TENM3: variants seen among roughly 807,000 people sequenced by gnomAD.
TENM3 encodes teneurin-3.
In TENM3, 63 loss-of-function variants were observed where a neutral mutation model predicts 255.1. That is an observed-to-expected ratio of 0.25 (90% CI 0.20 to 0.30). The LOEUF (loss-of-function observed/expected upper bound fraction) is 0.30, where lower values mean the gene tolerates loss of function less well. TENM3 is among the 10% of genes least tolerant of loss of function. TENM3 has a pLI of 1.00. For missense variants in TENM3, 2,929 were observed against 3,461.1 expected (o/e 0.85, Z 3.86); for synonymous variants, 1,306 against 1,322.3 (o/e 0.99, Z 0.27).
chr4:182,368,408 T>C (rs1325115259), intron 3 of TENM3, among the ~76,000 whole-genome samples: 1 of 152,226 alleles, frequency 6.6e-6, no homozygotes, highest in African/African-American at 2.4e-5. Context: ...TGGGCCCTTT[T>C]ATCCTGTAAA....
chr4:182,219,720 A>T (rs1755733071), intron 1 of TENM3, among the ~76,000 whole-genome samples: 1 of 152,212 alleles, frequency 6.6e-6, no homozygotes, highest in South Asian at 2.1e-4. Flanking sequence ...GGCTTCTTTA[A>T]AATCCAATTT....
At chr4:181,585,003 CAA>C in the TENM3 span, among the ~76,000 whole-genome samples, 4 of 134,786 alleles carry the variant, frequency 3.0e-5, no homozygotes, top group Middle Eastern at 3.8e-3. Context: ...TATCCAGTGG[CAA>C]AAAAAAAAAA....
intron 3 of TENM3, among the ~76,000 whole-genome samples, chr4:182,368,970 G>T (rs186204893): frequency 6.6e-6 from 1 of 152,114 alleles, no homozygotes; most frequent in South Asian, 2.1e-4. Context: ...CTGGTTCTGC[G>T]ATTCAAACAT....
intron 1 of TENM3, among the ~76,000 whole-genome samples, chr4:182,291,452 A>T (rs559322186): frequency 6.6e-6 from 1 of 152,264 alleles, no homozygotes; most frequent in South Asian, 2.1e-4. Context: ...AATAAGGCGC[A>T]CACATCAGAA....
chr4:182,671,968 A>C (rs1360305627), intron 6 of TENM3, among the ~76,000 whole-genome samples: 1 of 152,062 alleles, frequency 6.6e-6, no homozygotes, highest in East Asian at 1.9e-4. Context: ...CTCACTCCTC[A>C]CCCTCTTGTT....
rs928529052 is a variant in TENM3 at position 182,799,456 on chromosome 4, G to A, written c.7345-140G>A. The A allele has an allele frequency of 3.1e-5, 33 of 1,073,160 alleles. No individual in the cohort carries two copies. Among genetic ancestry groups the A allele is most frequent in the Non-Finnish European group, 3.8e-5 (29 of 772,594 alleles). The allele number at this position is 1,073,160 out of a possible 1,614,324, so 66.5% of individuals were successfully genotyped here. On this transcript the variant is annotated intron_variant, in intron 27 of 27. Transcript: ENST00000511685. The surrounding 1 kb of genome is among the most constrained non-coding windows in gnomAD (Gnocchi z 4.2). The stretch of plus-strand genomic sequence containing the variant: ...GATCTCGAGTGCTCCCTCCACCCGG[G>A]CTGTCAGCCTTCTGGTCAGGGAAGG...
chr4:182,245,727 C>T (rs1315610166), intron 1 of TENM3, among the ~76,000 whole-genome samples: 1 of 152,156 alleles, frequency 6.6e-6, no homozygotes, highest in Non-Finnish European at 1.5e-5. Flanking sequence ...CTTCCAGGGC[C>T]AGCCACAGGA....
At chr4:182,224,940 G>A (rs1422562761) in intron 1 of TENM3, among the ~76,000 whole-genome samples, 1 of 151,974 alleles carries the variant, frequency 6.6e-6, no homozygotes, top group Non-Finnish European at 1.5e-5. Context: ...CACCATGTTG[G>A]TCAGGCTGGT....
chr4:182,509,213 T>C (rs1290162903), intron 3 of TENM3, among the ~76,000 whole-genome samples: 1 of 152,240 alleles, frequency 6.6e-6, no homozygotes, highest in Non-Finnish European at 1.5e-5. Context: ...TTACCTTTGC[T>C]GACAGTGAGC....
At chr4:182,313,677 C>T (rs560026990) in intron 1 of TENM3, among the ~76,000 whole-genome samples, 1 of 150,810 alleles carries the variant, frequency 6.6e-6, no homozygotes, top group Non-Finnish European at 1.5e-5. Context: ...GAAAAAAAAA[C>T]AGCAAATATT....
the TENM3 span, among the ~76,000 whole-genome samples, chr4:181,512,235 G>A: frequency 6.6e-6 from 1 of 152,092 alleles, no homozygotes; most frequent in Non-Finnish European, 1.5e-5. Flanking sequence ...CTCTCATGTA[G>A]GTGCTTATGC....
At chr4:182,400,097 G>A (rs1318351920) in intron 3 of TENM3, among the ~76,000 whole-genome samples, 1 of 152,026 alleles carries the variant, frequency 6.6e-6, no homozygotes, top group African/African-American at 2.4e-5. Flanking sequence ...GAGACCTTAT[G>A]TAATGTTTAA....
the TENM3 span, among the ~76,000 whole-genome samples, chr4:181,641,258 C>A: frequency 6.6e-6 from 1 of 151,628 alleles, no homozygotes; most frequent in Non-Finnish European, 1.5e-5. Flanking sequence ...CATGGGTATA[C>A]ATGTGCCATG....
the TENM3 span, among the ~76,000 whole-genome samples, chr4:181,600,339 G>T: frequency 1.3e-5 from 2 of 152,092 alleles, no homozygotes; most frequent in Non-Finnish European, 2.9e-5. Context: ...ATAAATGGAG[G>T]CTCGCACATG....
chr4:182,568,197 A>G (rs1365573459), intron 3 of TENM3, among the ~76,000 whole-genome samples: 1 of 152,198 alleles, frequency 6.6e-6, no homozygotes, highest in Non-Finnish European at 1.5e-5. Context: ...GTAAGCCAGT[A>G]TTGTCTATCA....
intron 3 of TENM3, among the ~76,000 whole-genome samples, chr4:182,477,069 T>C (rs1733745319): frequency 6.6e-6 from 1 of 152,218 alleles, no homozygotes; most frequent in Non-Finnish European, 1.5e-5. Context: ...ATTTCAAGGA[T>C]TGTGCCACAG....
the TENM3 span, among the ~76,000 whole-genome samples, chr4:181,502,163 C>T: frequency 6.6e-6 from 1 of 152,188 alleles, no homozygotes; most frequent in Non-Finnish European, 1.5e-5. Flanking sequence ...CAACGAAACT[C>T]TTCTATGTGA....
the TENM3 span, among the ~76,000 whole-genome samples, chr4:181,919,907 C>T: frequency 6.1e-5 from 8 of 131,128 alleles, no homozygotes; most frequent in African/African-American, 2.0e-4. Flanking sequence ...CAACAATCCC[C>T]GGAGTGTGAT....
chr4:182,558,259 T>A (rs1367027626), intron 3 of TENM3, among the ~76,000 whole-genome samples: 1 of 152,214 alleles, frequency 6.6e-6, no homozygotes, highest in Admixed American at 6.5e-5. Flanking sequence ...TCTTTGAATG[T>A]GCACAGCATC....
Sources: gnomAD v4.1 joint callset for allele counts (sites outside exome capture counted in the v4.1 genomes callset) on GRCh38, gnomAD v4.1.1 for gene constraint, Gnocchi (gnomAD v3.1) non-coding constraint, MANE v1.5 for transcripts, NCBI Gene and HGNC (gene_info 2026-07-23, HGNC 2026-07-21) for gene names.